The following USP28 variants were observed in gnomAD, a reference collection of about 807,000 sequenced individuals.
USP28 encodes the protein ubiquitin carboxyl-terminal hydrolase 28.
In USP28, 113 loss-of-function variants were observed where a neutral mutation model predicts 145.0. That is an observed-to-expected ratio of 0.78 (90% CI 0.67 to 0.91). USP28 has a LOEUF of 0.91. USP28 is among the 40% of genes least tolerant of loss of function. USP28 has a pLI of 0.00. For missense variants in USP28, 1,201 were observed against 1,289.6 expected, an observed-to-expected ratio of 0.93 and a Z score of 1.05; for synonymous variants, 447 against 450.9, an observed-to-expected ratio of 0.99 and a Z score of 0.11.
At chr11:113,855,740 C>T (rs748350443) in intron 1 of USP28, among the ~76,000 whole-genome samples, 1 of 151,984 alleles carries the variant, frequency 6.6e-6, no homozygotes, top group Non-Finnish European at 1.5e-5. Flanking sequence ...AACATGGCCC[C>T]GTCTCTACTA....
intron 2 of USP28, 38 bp downstream of exon 2, chr11:113,854,220 T>A: frequency 6.4e-7 from 1 of 1,570,946 alleles, no homozygotes; most frequent in South Asian, 1.1e-5. Context: ...AGACAGCTGC[T>A]TTAAAGCCTC....
At chr11:113,836,655 C>G (rs1372421589) in intron 5 of USP28, among the ~76,000 whole-genome samples, 1 of 152,188 alleles carries the variant, frequency 6.6e-6, no homozygotes, top group Non-Finnish European at 1.5e-5. Flanking sequence ...TTTTCTATTT[C>G]CAGGGCTACC....
intron 18 of USP28, 111 bp downstream of exon 19, chr11:113,807,840 A>AT (rs1227931321): frequency 1.2e-5 from 9 of 747,416 alleles, no homozygotes; most frequent in Non-Finnish European, 1.5e-5. Flanking sequence ...CTTGACAATC[A>AT]TTTTTTGCAA....
At chr11:113,837,995 GA>G (rs67545117) in intron 5 of USP28, among the ~76,000 whole-genome samples, 5,739 of 145,092 alleles carry the variant, frequency 0.04, 158 homozygotes, top group Admixed American at 0.089. Context: ...TTTCACAGAG[GA>G]AAAAAAAAAA....
chr11:113,802,400 G>A (rs192129240), intron 23 of USP28, among the ~76,000 whole-genome samples: 12 of 152,188 alleles, frequency 7.9e-5, no homozygotes, highest in African/African-American at 2.4e-4. Context: ...TCACCCATTC[G>A]GTATGAACAA....
At chr11:113,867,461 C>T (rs889811191) in intron 1 of USP28, among the ~76,000 whole-genome samples, 1 of 151,870 alleles carries the variant, frequency 6.6e-6, no homozygotes, top group African/African-American at 2.4e-5. Context: ...AGAGACGGGG[C>T]TTCACCATGT....
At chr11:113,858,760 C>T (rs931569502) in intron 1 of USP28, among the ~76,000 whole-genome samples, 5 of 152,172 alleles carry the variant, frequency 3.3e-5, no homozygotes, top group Admixed American at 3.3e-4. Context: ...TAGGCACCCA[C>T]CACCACGCCT....
At chr11:113,869,646 C>T (rs1204106236) in intron 1 of USP28, among the ~76,000 whole-genome samples, 1 of 151,998 alleles carries the variant, frequency 6.6e-6, no homozygotes, top group Non-Finnish European at 1.5e-5. Flanking sequence ...ATAGTTCACA[C>T]CTTGCTGGGT....
At chr11:113,828,288 T>C (rs1943602562) in intron 10 of USP28, among the ~76,000 whole-genome samples, 1 of 152,246 alleles carries the variant, frequency 6.6e-6, no homozygotes, top group South Asian at 2.1e-4. Flanking sequence ...ATTCCCATCC[T>C]GGAATACAGG....
rs1943738212 is a variant in USP28, at chr11:113,829,472, G to A, written c.911-127C>T. 22 of 1,117,510 alleles carry A rather than the reference G, an allele frequency of 2.0e-5. No homozygotes were observed. In the East Asian group the frequency reaches 3.5e-4, roughly 18 times the overall value. The allele number at this position is 1,117,510 out of a possible 1,614,324, so 69.2% of individuals were successfully genotyped here. A position where few individuals can be genotyped will look rare whatever the true frequency, so the allele number is the denominator to read the frequency against. ...GATAGCTGGTTAGAAATGCACTTAC[G>A]CCTTTATAGCAACCTCTAGTGAGCC... is the stretch of plus-strand genomic sequence containing the variant. On this transcript the variant is annotated intron_variant, in intron 9 of 24. Transcript: ENST00000003302.
chr11:113,803,168 T>C lies in USP28; in HGVS notation c.2852A>G (p.Lys951Arg). The change falls in exon 23 of 25, where the codon AAA becomes AGA. Residue 951 changes from lysine (K) to arginine (R), a missense_variant. Transcript: ENST00000003302. ...ACAAACAGTACAAACCAGAAGGCAT[T>C]TTCTTCGGTATAAAGCAATCACGGA... The C allele has an allele frequency of 4.3e-6, 7 of 1,613,770 alleles. 1 individual carries two copies. The South Asian group carries it at 6.6e-5, about 15-fold the overall frequency.
intron 3 of USP28, among the ~76,000 whole-genome samples, chr11:113,850,081 A>C (rs1946295753): frequency 6.6e-6 from 1 of 152,190 alleles, no homozygotes; most frequent in African/African-American, 2.4e-5. Flanking sequence ...GTAGCATTTC[A>C]CAGGAGAAGG....
At chr11:113,832,450 A>G (rs544919755) in intron 7 of USP28, among the ~76,000 whole-genome samples, 2 of 152,322 alleles carry the variant, frequency 1.3e-5, no homozygotes, top group African/African-American at 2.4e-5. Context: ...ATGAAAACAT[A>G]GGAACACTGA....
chr11:113,845,855 A>G (rs944075929), intron 3 of USP28, among the ~76,000 whole-genome samples: 2 of 152,220 alleles, frequency 1.3e-5, no homozygotes, highest in Non-Finnish European at 2.9e-5. Context: ...GATCACAGAT[A>G]TGAGCTACAG....
rs1949191007 is a variant in USP28 at position 113,874,648 on chromosome 11, G to A, written c.57+797C>T. On this transcript the variant is annotated intron_variant, in intron 1 of 24. Transcript: ENST00000003302. ...AGTACTTGAGGGGTGAGGAGGTGGT[G>A]TTAAGTTATAACATTCCGAAGTAAC... is the stretch of plus-strand genomic sequence containing the variant. 35 of 1,279,284 alleles carry A rather than the reference G, an allele frequency of 2.7e-5. No individual in the cohort carries two copies. In the South Asian group the frequency reaches 3.6e-4, roughly 13 times the overall value. 79.2% of individuals were successfully genotyped at this position (1,279,284 alleles called of 1,614,324 possible). A position where few individuals can be genotyped will look rare whatever the true frequency, so the allele number is the denominator to read the frequency against.
intron 1 of USP28, among the ~76,000 whole-genome samples, chr11:113,867,823 A>AAGGG (rs796915073): frequency 1.6e-5 from 2 of 127,764 alleles, no homozygotes; most frequent in African/African-American, 5.9e-5. Context: ...GGGAGGGAGG[A>AAGGG]AGGGAGGGAG....
chr11:113,844,027 C>G (rs1945529522), intron 3 of USP28, among the ~76,000 whole-genome samples: 1 of 152,120 alleles, frequency 6.6e-6, no homozygotes, highest in Admixed American at 6.5e-5. Context: ...GAGGATGACA[C>G]AGGTGTAAAT....
intron 2 of USP28, among the ~76,000 whole-genome samples, chr11:113,852,922 C>A (rs1946635916): frequency 6.6e-6 from 1 of 152,072 alleles, no homozygotes; most frequent in African/African-American, 2.4e-5. Context: ...CTCATGATTT[C>A]TCTGAACAGT....
At chr11:113,807,307 G>A (rs941769169) in intron 18 of USP28, among the ~76,000 whole-genome samples, 5 of 152,128 alleles carry the variant, frequency 3.3e-5, no homozygotes, top group Admixed American at 2.6e-4. Flanking sequence ...CTCCCGACCC[G>A]AGGTGATCCA....
Sources: allele counts gnomAD v4.1 joint callset (sites outside exome capture counted in the v4.1 genomes callset), GRCh38; gene constraint gnomAD v4.1.1; transcripts MANE v1.5; gene names NCBI Gene and HGNC (gene_info 2026-07-23, HGNC 2026-07-21).